Variants in CYTH1 observed in about 807,000 individuals in gnomAD.
The protein encoded by CYTH1 is cytohesin-1.
CYTH1 carries 18 observed loss-of-function variants against 61.8 expected under a neutral mutation model. The observed-to-expected ratio is 0.29, with a 90% CI of 0.20 to 0.43. The LOEUF is 0.43. Ranked by LOEUF, CYTH1 falls within the 20% of genes least tolerant of loss-of-function variation. The pLI, the probability that CYTH1 is intolerant of heterozygous loss-of-function variation, is 1.00. For missense variants in CYTH1, 336 were observed against 510.5 expected, an observed-to-expected ratio of 0.66 and a Z score of 3.29; for synonymous variants, 174 against 184.3, an observed-to-expected ratio of 0.94 and a Z score of 0.45.
chr17:78,769,533 C>A (rs755241527), intron 1 of CYTH1, among the ~76,000 whole-genome samples: 2 of 152,162 alleles, frequency 1.3e-5, no homozygotes, highest in Non-Finnish European at 2.9e-5. Flanking sequence ...ACTGGCACTG[C>A]TCTCCTTGGT....
At position 78,675,946 on chromosome 17, in the gene CYTH1, A is replaced by C. The variant is rs1249108565; in HGVS notation, c.*145T>G. The C allele has an allele frequency of 1.3e-6, 2 of 1,547,902 alleles. No individual in the cohort carries two copies. Among genetic ancestry groups the C allele is most frequent in the Non-Finnish European group, 1.7e-6 (2 of 1,145,566 alleles). ...GCCCACCCTTCTCCCACTTAAAAAAAATAGCAAAAGCTGAAGCTAGTCTCT... is the reference window on the plus strand; with the variant it reads ...GCCCACCCTTCTCCCACTTAAAAAACATAGCAAAAGCTGAAGCTAGTCTCT... On this transcript the variant is annotated 3_prime_UTR_variant, in exon 14 of 14. Transcript: ENST00000446868.
At chr17:78,764,575 C>A (rs1425996888) in intron 1 of CYTH1, among the ~76,000 whole-genome samples, 1 of 152,130 alleles carries the variant, frequency 6.6e-6, no homozygotes, top group Non-Finnish European at 1.5e-5. Context: ...TCAACATAAG[C>A]AGTTTCAGCA....
At chr17:78,721,769 C>A (rs1192957937) in intron 1 of CYTH1, among the ~76,000 whole-genome samples, 2 of 152,142 alleles carry the variant, frequency 1.3e-5, no homozygotes, top group Non-Finnish European at 2.9e-5. Flanking sequence ...ATTGGCTGGG[C>A]GCAGTGGCTC....
At chr17:78,725,867 C>T (rs1190475589) in intron 1 of CYTH1, among the ~76,000 whole-genome samples, 3 of 152,118 alleles carry the variant, frequency 2.0e-5, no homozygotes, top group East Asian at 1.9e-4. Context: ...CAGTGTGGCC[C>T]TCCTCATATC....
rs1161332428 is a variant in CYTH1, at chr17:78,681,025, T to A, written c.909A>T (p.Gly303=). The part of the protein sequence containing the change: ...FEYTTDKEPR[G]IIPLENLSIR... ...TACTCAGATTCTCTAAAGGGATGATTCCACGGGGCTCCTTATCCTACAGAA... is the reference window on the plus strand; with the variant it reads ...TACTCAGATTCTCTAAAGGGATGATACCACGGGGCTCCTTATCCTACAGAA... Residue 303 remains glycine, a synonymous_variant, in exon 12 of 14, where the codon GGA becomes GGT. Coordinates refer to ENST00000446868, the MANE Select transcript of CYTH1 (RefSeq NM_004762.6). 6.2e-7 allele frequency: 1 copy of A among 1,614,108 alleles called. No individual in the cohort carries two copies. Among genetic ancestry groups the A allele is most frequent in the South Asian group, 1.1e-5 (1 of 91,070 alleles).
chr17:78,737,761 GA>G (rs558018447), intron 1 of CYTH1, among the ~76,000 whole-genome samples: 2 of 151,184 alleles, frequency 1.3e-5, no homozygotes, highest in African/African-American at 2.4e-5. Flanking sequence ...TAGTAACAAG[GA>G]AAAAAAACAC....
intron 1 of CYTH1, among the ~76,000 whole-genome samples, chr17:78,773,624 A>G (rs1281689145): frequency 1.4e-5 from 2 of 147,540 alleles, no homozygotes; most frequent in Non-Finnish European, 3.0e-5. Context: ...GCAAGACTCC[A>G]TCTCAAAAAA....
chr17:78,782,148 G>A (rs1427004453), intron 1 of CYTH1, 54 bp downstream of exon 1: 1 of 1,281,242 alleles, frequency 7.8e-7, no homozygotes, highest in Non-Finnish European at 1.0e-6. Flanking sequence ...GGCCGGGCCC[G>A]GAGGGGACTG....
In CYTH1 at chr17:78,675,935, C is replaced by T. The variant is rs2044402938; in HGVS notation, c.*156G>A. The T allele has an allele frequency of 6.5e-7, 1 of 1,546,700 alleles. No individual in the cohort carries two copies. Among genetic ancestry groups the T allele is most frequent in the African/African-American group, 1.4e-5 (1 of 73,010 alleles). ...CAGTGATAACTGCCCACCCTTCTCC[C>T]ACTTAAAAAAAATAGCAAAAGCTGA... On this transcript the variant is annotated 3_prime_UTR_variant, in exon 14 of 14. Coordinates refer to ENST00000446868, the MANE Select transcript of CYTH1 (RefSeq NM_004762.6).
intron 1 of CYTH1, among the ~76,000 whole-genome samples, chr17:78,731,540 A>G (rs987439491): frequency 1.3e-5 from 2 of 152,132 alleles, no homozygotes; most frequent in African/African-American, 2.4e-5. Flanking sequence ...TGGGCAGATC[A>G]CGAGGTCAGG....
At chr17:78,779,682 C>A (rs2093508879) in intron 1 of CYTH1, among the ~76,000 whole-genome samples, 1 of 152,118 alleles carries the variant, frequency 6.6e-6, no homozygotes, top group African/African-American at 2.4e-5. Context: ...ATGCTACCTG[C>A]TGGCTTTGAA....
In CYTH1 at chr17:78,717,275, C is replaced by T. The variant is rs150984995; in HGVS notation, c.23-7543G>A. 3.1e-4 allele frequency among the ~76,000 whole-genome samples: 47 copies of T among 152,298 alleles called. No individual in the cohort carries two copies. The highest frequency in any genetic ancestry group is 1.1e-3 in the African/African-American group (44 of 41,564). On this transcript the variant is annotated intron_variant, in intron 1 of 13. Transcript: ENST00000446868. This position sits in a 1 kb window ranked among gnomAD's most constrained non-coding sequence, Gnocchi z 4.4. ...ACACCACCCGGTCGCTCGCCCTCCT[C>T]GCCCATTGCCAGAGGGGCACCCGGA...
At chr17:78,762,259 T>C (rs144609147) in intron 1 of CYTH1, among the ~76,000 whole-genome samples, 2 of 152,256 alleles carry the variant, frequency 1.3e-5, no homozygotes, top group East Asian at 1.9e-4. Flanking sequence ...TGACAAATAG[T>C]GTTGCTGATC....
chr17:78,729,049 C>A (rs907266102), intron 1 of CYTH1, among the ~76,000 whole-genome samples: 1 of 152,134 alleles, frequency 6.6e-6, no homozygotes, highest in Non-Finnish European at 1.5e-5. Context: ...AAAAGGTAAA[C>A]AACTAGGACA....
rs754567835 is a variant in CYTH1 at position 78,698,842 on chromosome 17, T to C, written c.677A>G (p.Asp226Gly). ...TACCCGGAGGAGCTCCTCCGGCAGG[T>C]CTCCCCCATCATTGATGCCTCGGTT... ...AMNRGINDGG[D>G]LPEELLRNLY... Residue 226 changes from aspartate to glycine, a missense_variant, in exon 8 of 14, where the codon GAC becomes GGC. Asp to Gly is a moderately conservative substitution (Grantham distance 94). Transcript: ENST00000446868. The C allele has an allele frequency of 1.9e-6, 3 of 1,590,590 alleles. No individual in the cohort carries two copies. The highest frequency in any genetic ancestry group is 2.3e-5 in the East Asian group (1 of 43,824).
intron 9 of CYTH1, 112 bp downstream of exon 9, chr17:78,698,151 ACACATG>A: frequency 1.2e-6 from 1 of 840,150 alleles, no homozygotes; most frequent in African/African-American, 1.7e-5. Context: ...ACGCACGCGC[ACACATG>A]CACACGCACA....
At chr17:78,676,229 C>A in intron 13 of CYTH1, 60 bp from the exon 14 acceptor site, 1 of 1,535,098 alleles carries the variant, frequency 6.5e-7, no homozygotes, top group East Asian at 2.4e-5. Flanking sequence ...AGAAACACAC[C>A]CAGGCAGGGG....
chr17:78,721,232 G>A (rs539911995), intron 1 of CYTH1, among the ~76,000 whole-genome samples: 1 of 152,070 alleles, frequency 6.6e-6, no homozygotes, highest in Non-Finnish European at 1.5e-5. Flanking sequence ...TGGGAGGCTG[G>A]GGCAAGAAAA....
At chr17:78,677,205 G>A (rs936025873) in intron 13 of CYTH1, 14 of 396,616 alleles carry the variant, frequency 3.5e-5, no homozygotes, top group Admixed American at 2.3e-4. Flanking sequence ...TCTGGCGGCC[G>A]GGACACCTGC....
Sources: allele counts gnomAD v4.1 joint callset (sites outside exome capture counted in the v4.1 genomes callset), GRCh38; gene constraint gnomAD v4.1.1; non-coding constraint Gnocchi (gnomAD v3.1); transcripts MANE v1.5; gene names NCBI Gene and HGNC (gene_info 2026-07-23, HGNC 2026-07-21).